Variants in CNTN1 observed in about 807,000 individuals in gnomAD.
CNTN1 encodes the protein contactin 1.
In CNTN1, 38 loss-of-function variants were observed where a neutral mutation model predicts 126.4. The ratio of observed to expected loss-of-function variants is 0.30; its 90% confidence interval spans 0.23 to 0.39. The LOEUF (loss-of-function observed/expected upper bound fraction) is 0.39. Ranked by LOEUF, CNTN1 falls within the 10% of genes least tolerant of loss-of-function variation. The probability of loss-of-function intolerance (pLI) is 1.00; values close to 1 mark genes in which losing one functional copy is unlikely to be tolerated. For synonymous variants in CNTN1, 413 were observed against 422.6 expected (o/e 0.98, Z 0.28); for missense variants, 1,009 against 1,248.4 (o/e 0.81, Z 2.89).
intron 1 of CNTN1, among the ~76,000 whole-genome samples, chr12:40,838,143 T>G (rs1403884394): frequency 6.6e-6 from 1 of 152,216 alleles, no homozygotes; most frequent in Non-Finnish European, 1.5e-5. Context: ...GCACGTAGCC[T>G]GTGGCCTTGG....
intron 17 of CNTN1, among the ~76,000 whole-genome samples, chr12:40,995,716 T>C (rs1948196760): frequency 6.6e-6 from 1 of 152,186 alleles, no homozygotes; most frequent in Non-Finnish European, 1.5e-5. Flanking sequence ...AACCTTGTAG[T>C]GATATGAGAT....
chr12:40,923,505 C>A (rs1945524883), intron 5 of CNTN1, among the ~76,000 whole-genome samples: 1 of 151,954 alleles, frequency 6.6e-6, no homozygotes, highest in South Asian at 2.1e-4. Flanking sequence ...TATACATTAA[C>A]CATAAGGAAA....
intron 1 of CNTN1, among the ~76,000 whole-genome samples, chr12:40,817,014 G>C (rs1941278092): frequency 1.3e-5 from 2 of 152,188 alleles, no homozygotes; most frequent in Non-Finnish European, 2.9e-5. Flanking sequence ...TTGCAAGACT[G>C]TTCGTTATGA....
chr12:40,710,395 G>A (rs1255964245), intron 1 of CNTN1, among the ~76,000 whole-genome samples: 1 of 151,976 alleles, frequency 6.6e-6, no homozygotes, highest in Non-Finnish European at 1.5e-5. Context: ...ATCAAAGATC[G>A]CCAATCACAG....
chr12:41,062,328 A>T (rs1023490989), intron 23 of CNTN1, among the ~76,000 whole-genome samples: 1 of 152,220 alleles, frequency 6.6e-6, no homozygotes, highest in African/African-American at 2.4e-5. Context: ...TTTGATATAT[A>T]GTTCAAAGAA....
intron 12 of CNTN1, 108 bp downstream of exon 12, chr12:40,939,593 T>G: frequency 7.8e-7 from 1 of 1,285,102 alleles, no homozygotes; most frequent in Non-Finnish European, 1.1e-6. Flanking sequence ...CTCTGAATTT[T>G]TTTTTTCACA....
chr12:41,054,384 A>C (rs1949756738), intron 23 of CNTN1, among the ~76,000 whole-genome samples: 1 of 151,932 alleles, frequency 6.6e-6, no homozygotes, highest in Admixed American at 6.6e-5. Flanking sequence ...CTAATATCTT[A>C]CCTATTTTTC....
At chr12:40,722,638 T>C (rs555488515) in intron 1 of CNTN1, among the ~76,000 whole-genome samples, 1 of 152,224 alleles carries the variant, frequency 6.6e-6, no homozygotes, top group South Asian at 2.1e-4. Context: ...ACGCACACAC[T>C]ATCCATGTTT....
chr12:41,042,062 A>C (rs990337270), intron 23 of CNTN1, among the ~76,000 whole-genome samples: 3 of 151,900 alleles, frequency 2.0e-5, no homozygotes, highest in Admixed American at 2.0e-4. Flanking sequence ...TAGTATTATA[A>C]ATTTCCCCCT....
chr12:41,024,269 T>G (rs1948989491), intron 20 of CNTN1, among the ~76,000 whole-genome samples: 1 of 152,166 alleles, frequency 6.6e-6, no homozygotes, highest in African/African-American at 2.4e-5. Flanking sequence ...ATCCCGTTAT[T>G]TTATAGACAG....
intron 17 of CNTN1, among the ~76,000 whole-genome samples, chr12:41,004,743 G>A (rs750639467): frequency 1.3e-5 from 2 of 152,136 alleles, no homozygotes; most frequent in African/African-American, 2.4e-5. Context: ...TCAGAAACTA[G>A]GATTGCAAAC....
intron 23 of CNTN1, among the ~76,000 whole-genome samples, chr12:41,062,904 A>G (rs987689145): frequency 6.6e-6 from 1 of 152,220 alleles, no homozygotes; most frequent in Non-Finnish European, 1.5e-5. Context: ...AACAAACACA[A>G]TTCAGTAATT....
At chr12:40,956,280 C>T (rs1403663017) in intron 14 of CNTN1, among the ~76,000 whole-genome samples, 1 of 152,120 alleles carries the variant, frequency 6.6e-6, no homozygotes, top group African/African-American at 2.4e-5. Flanking sequence ...AGGGATACAA[C>T]ATGTCTGCTA....
chr12:40,794,632 C>T (rs1031583133), intron 1 of CNTN1, among the ~76,000 whole-genome samples: 1 of 151,922 alleles, frequency 6.6e-6, no homozygotes, highest in African/African-American at 2.4e-5. Context: ...GGAACTGACA[C>T]CTTGTTAATG....
At chr12:41,064,372 C>T (rs912483249) in intron 23 of CNTN1, among the ~76,000 whole-genome samples, 5 of 152,164 alleles carry the variant, frequency 3.3e-5, no homozygotes, top group African/African-American at 1.2e-4. Flanking sequence ...AAGCTAGACT[C>T]TTACAGAAAA....
At chr12:40,775,525 GTATA>G (rs2136440160) in intron 1 of CNTN1, among the ~76,000 whole-genome samples, 1 of 151,438 alleles carries the variant, frequency 6.6e-6, no homozygotes, top group East Asian at 1.9e-4. Flanking sequence ...AATAACATAT[GTATA>G]TTAGGACTAG....
rs555906479 is a variant in CNTN1, at chr12:40,734,674, G to A, written c.-77+42082G>A. Among the ~76,000 whole-genome samples, 188 of 152,156 alleles carry A rather than the reference G, an allele frequency of 1.2e-3. 1 individual carries two copies. The highest frequency in any genetic ancestry group is 7.5e-3 in the South Asian group (36 of 4,832). ...GACTTAATCTGTTACCCGGAATTTC[G>A]TAGATGACAAATAACTATCACATAT... is the stretch of plus-strand genomic sequence containing the variant. On this transcript the variant is annotated intron_variant, in intron 1 of 23. Transcript: ENST00000551295.
chr12:40,902,140 A>G (rs1944630786), intron 1 of CNTN1, among the ~76,000 whole-genome samples: 1 of 152,194 alleles, frequency 6.6e-6, no homozygotes, highest in African/African-American at 2.4e-5. Context: ...AATTTCATGT[A>G]TTCGTTTCAT....
At chr12:41,055,103 C>T (rs1172289006) in intron 23 of CNTN1, among the ~76,000 whole-genome samples, 1 of 151,948 alleles carries the variant, frequency 6.6e-6, no homozygotes, top group Admixed American at 6.6e-5. Flanking sequence ...AAATTAATGT[C>T]CTAGACGATG....
Sources: gnomAD v4.1 joint callset for allele counts (sites outside exome capture counted in the v4.1 genomes callset) on GRCh38, gnomAD v4.1.1 for gene constraint, MANE v1.5 for transcripts, NCBI Gene and HGNC (gene_info 2026-07-23, HGNC 2026-07-21) for gene names.